Variants in ADCY1 observed in about 807,000 individuals in gnomAD.
ADCY1 encodes the protein adenylate cyclase type 1.
Under a neutral mutation model 105.4 loss-of-function variants are expected in ADCY1, and 28 were observed. The observed-to-expected ratio is 0.27, with a 90% CI of 0.20 to 0.36. ADCY1 has a LOEUF of 0.36. Among genes scored for constraint, ADCY1 ranks in the 10% least tolerant of loss-of-function variants. The pLI is 1.00. For missense variants in ADCY1, 977 were observed against 1,434.2 expected, an observed-to-expected ratio of 0.68 and a Z score of 5.15; for synonymous variants, 655 against 623.8, an observed-to-expected ratio of 1.05 and a Z score of -0.75.
chr7:45,676,909 GTTGCCCC>G, intron 8 of ADCY1, among the ~76,000 whole-genome samples: 1 of 150,690 alleles, frequency 6.6e-6, no homozygotes. Flanking sequence ...GTTTTGCTAG[GTTGCCCC>G]TTTTTTTTTC....
intron 17 of ADCY1, among the ~76,000 whole-genome samples, chr7:45,706,826 C>T (rs543527725): frequency 6.6e-6 from 1 of 151,966 alleles, no homozygotes; most frequent in Non-Finnish European, 1.5e-5. Flanking sequence ...GGACTTGTAT[C>T]TATAGTACAC....
chr7:45,656,489 C>T (rs549670016), intron 5 of ADCY1, among the ~76,000 whole-genome samples: 1 of 152,172 alleles, frequency 6.6e-6, no homozygotes, highest in East Asian at 1.9e-4. Context: ...GGAGTGGCTG[C>T]TGGGGCCTCC....
rs893802121 is a variant in ADCY1 at position 45,685,146 on chromosome 7, C to T, written c.2073+78C>T. 1.5e-5 allele frequency: 20 copies of T among 1,349,778 alleles called. No homozygotes were observed. The Admixed American group carries it at 3.4e-4, about 23-fold the overall frequency. The allele number at this position is 1,349,778 out of a possible 1,614,324, so 83.6% of individuals were successfully genotyped here. ...GAGGACCAGCCCAGAAGCCAGGACC[C>T]AGGGCTGCAGAGACAGGGAGGTCAT... On this transcript the variant is annotated intron_variant, in intron 12 of 19. Coordinates refer to ENST00000297323, the MANE Select transcript of ADCY1 (RefSeq NM_021116.4).
chr7:45,607,657 A>G (rs1793414689), intron 2 of ADCY1, among the ~76,000 whole-genome samples: 2 of 152,044 alleles, frequency 1.3e-5, no homozygotes, highest in Non-Finnish European at 2.9e-5. Context: ...TTATGTCTAT[A>G]TGTATCCAAT....
chr7:45,620,300 A>G (rs979409243), intron 3 of ADCY1, among the ~76,000 whole-genome samples: 1 of 152,214 alleles, frequency 6.6e-6, no homozygotes, highest in East Asian at 1.9e-4. Context: ...TCTGCTGTAC[A>G]ATATTTTACC....
chr7:45,626,671 G>T (rs1794068970), intron 4 of ADCY1, among the ~76,000 whole-genome samples: 1 of 152,228 alleles, frequency 6.6e-6, no homozygotes, highest in African/African-American at 2.4e-5. Flanking sequence ...TGGCTGCTCA[G>T]TCCCCAGCAA....
intron 19 of ADCY1, among the ~76,000 whole-genome samples, chr7:45,711,940 TAA>T (rs1368087411): frequency 2.9e-4 from 33 of 111,960 alleles, no homozygotes; most frequent in African/African-American, 7.6e-4. Context: ...ATTAAATATA[TAA>T]ATACATATTA....
Position 45,643,554 on chromosome 7 carries a change from C to T in ADCY1, c.1021-5116C>T, listed in dbSNP as rs533456291. 9.1e-4 allele frequency among the ~76,000 whole-genome samples: 138 copies of T among 151,998 alleles called. 1 individual carries two copies. Among genetic ancestry groups the T allele is most frequent in the South Asian group, 4.0e-3 (19 of 4,784 alleles). Reference sequence around the variant, plus strand: ...TACAGTCAAATATGCATTTTCTCATCGCTCGAAATAATTCTTCTCTCTGTG... The same window carrying T: ...TACAGTCAAATATGCATTTTCTCATTGCTCGAAATAATTCTTCTCTCTGTG... On this transcript the variant is annotated intron_variant, in intron 4 of 19. Transcript: ENST00000297323.
intron 4 of ADCY1, among the ~76,000 whole-genome samples, chr7:45,624,262 G>C (rs1793989737): frequency 6.6e-6 from 1 of 151,766 alleles, no homozygotes; most frequent in Non-Finnish European, 1.5e-5. Context: ...CCTGGCAGCA[G>C]TTAGGGGGAC....
At chr7:45,590,060 G>T (rs1038612519) in intron 1 of ADCY1, among the ~76,000 whole-genome samples, 2 of 152,174 alleles carry the variant, frequency 1.3e-5, no homozygotes, top group Non-Finnish European at 1.5e-5. Context: ...GGCCCTGGGA[G>T]GGCTTGCAGG....
chr7:45,670,980 C>T (rs1336775559), intron 8 of ADCY1, among the ~76,000 whole-genome samples: 1 of 152,202 alleles, frequency 6.6e-6, no homozygotes. Flanking sequence ...GGTAGATAAC[C>T]AGTGACCGGC....
intron 5 of ADCY1, 69 bp from the exon 6 acceptor site, chr7:45,657,658 C>T: frequency 6.6e-7 from 1 of 1,514,342 alleles, no homozygotes; most frequent in Non-Finnish European, 9.0e-7. Flanking sequence ...CCTAGCAGTG[C>T]AGACCAAGGT....
Position 45,574,849 on chromosome 7 carries a change from C to T in ADCY1, c.306C>T (p.Phe102=). The change falls in exon 1 of 20, where the codon TTC becomes TTT. Residue 102 remains phenylalanine (F), a synonymous_variant. Coordinates refer to ENST00000297323, the MANE Select transcript of ADCY1 (RefSeq NM_021116.4). The surrounding 1 kb of genome is among the most constrained non-coding windows in gnomAD (Gnocchi z 7.0). ...KGSHPVHCVL[F]LALLVVTNVR... The stretch of plus-strand genomic sequence containing the variant: ...CACACCCGGTGCACTGCGTCCTCTT[C>T]CTGGCGCTGCTCGTGGTAACCAACG... 2 of 1,611,330 alleles carry T rather than the reference C, an allele frequency of 1.2e-6. No individual in the cohort carries two copies. Among genetic ancestry groups the T allele is most frequent in the Non-Finnish European group, 1.7e-6 (2 of 1,179,588 alleles).
chr7:45,625,382 G>T (rs966923252), intron 4 of ADCY1, among the ~76,000 whole-genome samples: 1 of 152,216 alleles, frequency 6.6e-6, no homozygotes, highest in Admixed American at 6.5e-5. Context: ...GGTGACGTAC[G>T]TGGTGGAGAT....
chr7:45,580,842 CGGTCAGT>C (rs945989869), intron 1 of ADCY1, among the ~76,000 whole-genome samples: 23 of 152,220 alleles, frequency 1.5e-4, no homozygotes, highest in South Asian at 1.2e-3. Context: ...CAGCAGGCTG[CGGTCAGT>C]GGTGTCCGCT....
Position 45,648,899 on chromosome 7 carries a change from G to T in ADCY1, c.1148+102G>T, listed in dbSNP as rs937338376. 1.7e-4 allele frequency: 243 copies of T among 1,419,062 alleles called. No homozygotes were observed. In the African/African-American group the frequency reaches 2.9e-3, roughly 17 times the overall value. 87.9% of individuals were successfully genotyped at this position (1,419,062 alleles called of 1,614,324 possible). ...GCCCCATGTGGGCTCCCCTCTCAGG[G>T]TCTCGCTTTGTCCTGATGGGTCTGT... On this transcript the variant is annotated intron_variant, in intron 5 of 19. Coordinates refer to ENST00000297323, the MANE Select transcript of ADCY1 (RefSeq NM_021116.4).
intron 2 of ADCY1, among the ~76,000 whole-genome samples, chr7:45,605,370 A>C (rs1793346646): frequency 6.6e-6 from 1 of 152,176 alleles, no homozygotes; most frequent in Non-Finnish European, 1.5e-5. Flanking sequence ...TGAGATGATG[A>C]ATATGAGTAA....
At chr7:45,611,866 G>A (rs1022612612) in intron 3 of ADCY1, among the ~76,000 whole-genome samples, 3 of 152,114 alleles carry the variant, frequency 2.0e-5, no homozygotes, top group African/African-American at 7.2e-5. Flanking sequence ...GGATGTTGGT[G>A]TCAGGCCTCA....
chr7:45,684,398 G>A (rs900572584), intron 11 of ADCY1: 2 of 152,260 alleles, frequency 1.3e-5, no homozygotes, highest in African/African-American at 4.8e-5. Flanking sequence ...CTCTAGCAGG[G>A]TGAGTTGTTT....
Sources: allele counts gnomAD v4.1 joint callset (sites outside exome capture counted in the v4.1 genomes callset), GRCh38; gene constraint gnomAD v4.1.1; non-coding constraint Gnocchi (gnomAD v3.1); transcripts MANE v1.5; gene names NCBI Gene and HGNC (gene_info 2026-07-23, HGNC 2026-07-21).